The following INO80 variants were observed in gnomAD, a reference collection of about 807,000 sequenced individuals.
The protein encoded by INO80 is chromatin-remodeling ATPase INO80.
INO80 carries 20 observed loss-of-function variants against 203.4 expected under a neutral mutation model. The ratio of observed to expected loss-of-function variants is 0.10; its 90% CI spans 0.07 to 0.14. The LOEUF is 0.14. Among genes scored for constraint, INO80 ranks in the 10% least tolerant of loss-of-function variants. The pLI is 1.00. For missense variants in INO80, 1,419 were observed against 1,914.4 expected (o/e 0.74, Z 4.83); for synonymous variants, 726 against 685.2 (o/e 1.06, Z -0.93).
At position 41,054,024 on chromosome 15, in the gene INO80, CG is replaced by C. The variant is rs747107252; in HGVS notation, c.2189-11del. On this transcript the variant is annotated splice_polypyrimidine_tract_variant and intron_variant, in intron 18 of 35. Coordinates refer to ENST00000648947, the MANE Select transcript of INO80 (RefSeq NM_017553.3). Reference sequence around the variant, plus strand: ...AAGCGAGAAAGTTGATCTGAAATGCCGGGAGGCCCCCAAATAATACATTATA... The same window carrying C: ...AAGCGAGAAAGTTGATCTGAAATGCCGGAGGCCCCCAAATAATACATTATA... 1 of 1,608,816 alleles carries C rather than the reference CG, an allele frequency of 6.2e-7. No individual in the cohort carries two copies. Among genetic ancestry groups the C allele is most frequent in the Middle Eastern group, 1.7e-4 (1 of 6,036 alleles).
intron 29 of INO80, among the ~76,000 whole-genome samples, chr15:40,992,983 T>TG (rs2043835458): frequency 6.6e-6 from 1 of 152,200 alleles, no homozygotes; most frequent in Non-Finnish European, 1.5e-5. Context: ...TTTGTACAGA[T>TG]GGGGTCTTGC....
chr15:41,067,708 C>T (rs1170126764), intron 14 of INO80, among the ~76,000 whole-genome samples: 1 of 152,158 alleles, frequency 6.6e-6, no homozygotes, highest in Non-Finnish European at 1.5e-5. Flanking sequence ...ATACCTGCCT[C>T]ACATTTCTAC....
chr15:40,993,941 AGAAG>A (rs1446522812), intron 29 of INO80, among the ~76,000 whole-genome samples: 3 of 152,088 alleles, frequency 2.0e-5, no homozygotes, highest in African/African-American at 7.2e-5. Flanking sequence ...AACAGAAGCT[AGAAG>A]GATGCATTTA....
rs1163433609 is a variant in INO80 at position 41,027,653 on chromosome 15, C to T, written c.2991G>A (p.Ser997=). The T allele has an allele frequency of 6.8e-6, 11 of 1,613,758 alleles. No individual in the cohort carries two copies. Among genetic ancestry groups the T allele is most frequent in the South Asian group, 2.2e-5 (2 of 91,052 alleles). ...GCTCAGTGAGCAGGCAGCGACGCAG[C>T]GAGGAGGTAGCTGATCTCCGCTGAT... ...VVHQRRSATS[S]LRRCLLTELP... The change falls in exon 25 of 36, where the codon TCG becomes TCA. Residue 997 remains serine, a synonymous_variant. Transcript: ENST00000648947.
intron 28 of INO80, among the ~76,000 whole-genome samples, chr15:41,003,329 C>CTTAT (rs2043989499): frequency 9.3e-6 from 1 of 107,576 alleles, no homozygotes; most frequent in Non-Finnish European, 1.9e-5. Flanking sequence ...TTTTTCTTTT[C>CTTAT]TTTTCTTTTT....
At chr15:41,056,424 C>A (rs570811610) in intron 17 of INO80, among the ~76,000 whole-genome samples, 198 bp downstream of exon 17, 7 of 152,344 alleles carry the variant, frequency 4.6e-5, no homozygotes, top group African/African-American at 1.7e-4. Flanking sequence ...TACAGTAATT[C>A]ATTGGCCTTA....
chr15:41,116,098 G>A lies in INO80; in HGVS notation c.-169C>T, dbSNP rs1310015243. The A allele has an allele frequency of 7.6e-6, 3 of 397,120 alleles. No homozygotes were observed. Among genetic ancestry groups the A allele is most frequent in the Non-Finnish European group, 8.9e-6 (2 of 225,098 alleles). 24.6% of individuals were successfully genotyped at this position (397,120 alleles called of 1,614,324 possible). A position where few individuals can be genotyped will look rare whatever the true frequency, so the allele number is the denominator to read the frequency against. Reference sequence around the variant, plus strand: ...GTTCGCTCTCTGAGGCCGTGGGACGGTGACTGCGTTGGGCGTGGACGCTCC... The same window carrying A: ...GTTCGCTCTCTGAGGCCGTGGGACGATGACTGCGTTGGGCGTGGACGCTCC... On this transcript the variant is annotated 5_prime_UTR_variant, in exon 1 of 36. Transcript: ENST00000648947.
At chr15:41,113,409 G>A (rs2045984790) in intron 1 of INO80, among the ~76,000 whole-genome samples, 1 of 152,066 alleles carries the variant, frequency 6.6e-6, no homozygotes, top group African/African-American at 2.4e-5. Context: ...TGGGATTACA[G>A]GTGCGCGCCA....
At chr15:41,102,218 T>C (rs911990517) in intron 1 of INO80, among the ~76,000 whole-genome samples, 11 of 152,264 alleles carry the variant, frequency 7.2e-5, no homozygotes, top group South Asian at 2.1e-4. Context: ...CTATGTCTTA[T>C]GTCACTTATT....
At position 41,045,039 on chromosome 15, in the gene INO80, G is replaced by A. The variant is rs772642581; in HGVS notation, c.2772C>T (p.Tyr924=). ...LALFLSLKAS[Y]RLHQLRSWGA... ...CCCAGGAGCGTAGCTGATGGAGCCT[G>A]TAGGAGGCTTTCAGAGACAGGAAAA... The change falls in exon 24 of 36, where the codon TAC becomes TAT. Residue 924 remains tyrosine (Y), a synonymous_variant. Coordinates refer to ENST00000648947, the MANE Select transcript of INO80 (RefSeq NM_017553.3). 8 of 1,610,194 alleles carry A rather than the reference G, an allele frequency of 5.0e-6. No homozygotes were observed. Among genetic ancestry groups the A allele is most frequent in the African/African-American group, 1.3e-5 (1 of 74,718 alleles).
chr15:40,984,184 A>C lies in INO80; in HGVS notation c.4077+13T>G, dbSNP rs772243218. Reference sequence around the variant, plus strand: ...CTTACGGCTGTGATGCAGGCATCTAAAAGGAGCCTCACCTCACTGAAAGGG... The same window carrying C: ...CTTACGGCTGTGATGCAGGCATCTACAAGGAGCCTCACCTCACTGAAAGGG... On this transcript the variant is annotated intron_variant, in intron 33 of 35. Coordinates refer to ENST00000648947, the MANE Select transcript of INO80 (RefSeq NM_017553.3). The C allele has an allele frequency of 1.9e-6, 3 of 1,612,066 alleles. No individual in the cohort carries two copies. Among genetic ancestry groups the C allele is most frequent in the Non-Finnish European group, 2.5e-6 (3 of 1,178,888 alleles).
At position 41,074,575 on chromosome 15, in the gene INO80, G is replaced by A; in HGVS notation, c.1132-10C>T. On this transcript the variant is annotated splice_polypyrimidine_tract_variant and intron_variant, in intron 9 of 35. Transcript: ENST00000648947. ...GCTGTTGCCTCTTGGCCTAAAGAGGGAAAAAAGTGAAAACAGAGCCAAATT... is the reference window on the plus strand; with the variant it reads ...GCTGTTGCCTCTTGGCCTAAAGAGGAAAAAAAGTGAAAACAGAGCCAAATT... 1 of 1,575,340 alleles carries A rather than the reference G, an allele frequency of 6.3e-7. No homozygotes were observed. The highest frequency in any genetic ancestry group is 2.3e-5 in the East Asian group (1 of 43,896).
intron 1 of INO80, among the ~76,000 whole-genome samples, chr15:41,106,207 A>T (rs555003892): frequency 6.6e-6 from 1 of 152,090 alleles, no homozygotes; most frequent in South Asian, 2.1e-4. Flanking sequence ...AACATAGCGA[A>T]ATCCTGTCTG....
intron 16 of INO80, 59 bp from the exon 17 acceptor site, chr15:41,056,765 T>G: frequency 1.4e-6 from 2 of 1,417,030 alleles, no homozygotes; most frequent in Non-Finnish European, 2.0e-6. Context: ...TTAATTATCC[T>G]ACTGAGACCC....
At chr15:40,998,716 C>A (rs1293370263) in intron 28 of INO80, among the ~76,000 whole-genome samples, 1 of 151,792 alleles carries the variant, frequency 6.6e-6, no homozygotes, top group African/African-American at 2.4e-5. Flanking sequence ...TGCAGTGGCA[C>A]GATCTCGGCT....
At position 40,987,113 on chromosome 15, in the gene INO80, G is replaced by A. The variant is rs150306910; in HGVS notation, c.3810C>T (p.Asp1270=). ...KPKEVVSLLL[D]DEELEKKLRL... ...TACGTTTCTTCTCCAACTCTTCGTC[G>A]TCTAGAAGAAGACTAACCACCTCTT... The change falls in exon 31 of 36, where the codon GAC becomes GAT. Residue 1270 remains aspartate (D), a synonymous_variant. Transcript: ENST00000648947. 3.4e-5 allele frequency: 54 copies of A among 1,608,928 alleles called. No individual in the cohort carries two copies. Among genetic ancestry groups the A allele is most frequent in the Admixed American group, 1.2e-4 (7 of 59,982 alleles).
intron 11 of INO80, 57 bp from the exon 12 acceptor site, chr15:41,072,115 G>GA (rs2045330361): frequency 1.7e-6 from 2 of 1,189,746 alleles, no homozygotes; most frequent in African/African-American, 3.2e-5. Flanking sequence ...AATATTACAT[G>GA]AAAATAAGAC....
chr15:41,047,397 A>T lies in INO80; in HGVS notation c.2735+11T>A. On this transcript the variant is annotated intron_variant, in intron 23 of 35. Transcript: ENST00000648947. ...ACTGGCCTCTTATCAAGCAATAAGC[A>T]AACCTCTCACCTGGCCAAAAGTCCC... 1 of 1,599,302 alleles carries T rather than the reference A, an allele frequency of 6.3e-7. No homozygotes were observed. The highest frequency in any genetic ancestry group is 8.6e-7 in the Non-Finnish European group (1 of 1,167,490).
At chr15:41,002,912 G>A (rs1444330734) in intron 28 of INO80, among the ~76,000 whole-genome samples, 3 of 152,128 alleles carry the variant, frequency 2.0e-5, no homozygotes, top group Non-Finnish European at 4.4e-5. Context: ...AGACCATCCT[G>A]GCTAACATAG....
Sources: allele counts gnomAD v4.1 joint callset (sites outside exome capture counted in the v4.1 genomes callset), GRCh38; gene constraint gnomAD v4.1.1; transcripts MANE v1.5; gene names NCBI Gene and HGNC (gene_info 2026-07-23, HGNC 2026-07-21).